Variants in PLXDC2 observed in about 807,000 individuals in gnomAD.
The protein encoded by PLXDC2 is plexin domain containing 2.
PLXDC2 carries 40 observed loss-of-function variants against 68.9 expected under a neutral mutation model. The observed-to-expected ratio is 0.58, with a 90% CI of 0.45 to 0.76. The LOEUF (loss-of-function observed/expected upper bound fraction) is 0.76. PLXDC2 is among the 30% of genes least tolerant of loss of function. The probability of loss-of-function intolerance (pLI) is 0.00; values close to 1 mark genes in which losing one functional copy is unlikely to be tolerated. For synonymous variants in PLXDC2, 243 were observed against 234.2 expected (o/e 1.04, Z -0.34); for missense variants, 644 against 661.9 (o/e 0.97, Z 0.30).
intron 13 of PLXDC2, among the ~76,000 whole-genome samples, chr10:20,252,788 G>A (rs1835695141): frequency 6.6e-6 from 1 of 152,310 alleles, no homozygotes; most frequent in Middle Eastern, 3.4e-3. Flanking sequence ...CACATTCTAA[G>A]TTAGGTGTGG....
At chr10:20,162,075 G>T (rs1322778806) in intron 6 of PLXDC2, among the ~76,000 whole-genome samples, 1 of 59,640 alleles carries the variant, frequency 1.7e-5, no homozygotes, top group Non-Finnish European at 3.5e-5. Flanking sequence ...AGAGAGAGAA[G>T]GAAGGAAGGA....
At chr10:19,968,744 C>T (rs1446580145) in intron 1 of PLXDC2, among the ~76,000 whole-genome samples, 1 of 152,094 alleles carries the variant, frequency 6.6e-6, no homozygotes, top group Non-Finnish European at 1.5e-5. Context: ...TAAATAGTAG[C>T]AGGATATAGA....
At chr10:19,874,297 T>A (rs141226978) in intron 1 of PLXDC2, among the ~76,000 whole-genome samples, 2 of 152,236 alleles carry the variant, frequency 1.3e-5, no homozygotes, top group Non-Finnish European at 2.9e-5. Context: ...TTGGAAACAA[T>A]TTCTATTAGG....
intron 1 of PLXDC2, among the ~76,000 whole-genome samples, chr10:19,980,157 T>C (rs1010992689): frequency 6.6e-6 from 1 of 152,242 alleles, no homozygotes; most frequent in Non-Finnish European, 1.5e-5. Flanking sequence ...ATGGTGTGAC[T>C]GCATTTTTTA....
At chr10:19,885,101 C>T (rs1171284467) in intron 1 of PLXDC2, among the ~76,000 whole-genome samples, 1 of 152,068 alleles carries the variant, frequency 6.6e-6, no homozygotes, top group Non-Finnish European at 1.5e-5. Context: ...CTCTGATGGC[C>T]AGTGATGATG....
chr10:20,219,768 T>C (rs767661512), intron 12 of PLXDC2, among the ~76,000 whole-genome samples: 2 of 152,148 alleles, frequency 1.3e-5, no homozygotes, highest in Non-Finnish European at 2.9e-5. Context: ...AGATTTTCAT[T>C]AGTAATTGTT....
intron 9 of PLXDC2, among the ~76,000 whole-genome samples, chr10:20,196,803 A>G (rs1212980082): frequency 6.6e-6 from 1 of 152,192 alleles, no homozygotes; most frequent in Non-Finnish European, 1.5e-5. Flanking sequence ...TCACGTTCAA[A>G]CAGTGTTAGT....
chr10:20,036,105 A>G (rs562864630), intron 2 of PLXDC2, among the ~76,000 whole-genome samples: 5 of 152,312 alleles, frequency 3.3e-5, no homozygotes, highest in East Asian at 1.9e-4. Flanking sequence ...TATAAATCCA[A>G]ACTTAATAAA....
chr10:20,205,358 T>C (rs1020558424), intron 9 of PLXDC2, among the ~76,000 whole-genome samples: 4 of 152,114 alleles, frequency 2.6e-5, no homozygotes, highest in African/African-American at 7.2e-5. Context: ...AATTTGGACA[T>C]AAAAACATTA....
At chr10:20,199,608 A>G (rs1012460887) in intron 9 of PLXDC2, among the ~76,000 whole-genome samples, 1 of 152,018 alleles carries the variant, frequency 6.6e-6, no homozygotes, top group African/African-American at 2.4e-5. Context: ...TGGAAATTAT[A>G]TAAGAAGAAT....
chr10:19,866,182 G>T (rs1334709856), intron 1 of PLXDC2, among the ~76,000 whole-genome samples: 3 of 152,096 alleles, frequency 2.0e-5, no homozygotes, highest in African/African-American at 4.8e-5. Flanking sequence ...GTAGTCTTAG[G>T]GTATTCTTTA....
chr10:20,159,635 T>C (rs774782133), intron 6 of PLXDC2, among the ~76,000 whole-genome samples: 1 of 152,206 alleles, frequency 6.6e-6, no homozygotes, highest in African/African-American at 2.4e-5. Context: ...TCTTTTGGAC[T>C]AAAATCCAGT....
chr10:20,127,481 C>G (rs1167625146), intron 4 of PLXDC2, among the ~76,000 whole-genome samples: 2 of 152,060 alleles, frequency 1.3e-5, no homozygotes, highest in Admixed American at 1.3e-4. Flanking sequence ...TATTCTCCTG[C>G]TATGTAATAT....
At chr10:19,912,461 A>G (rs529321596) in intron 1 of PLXDC2, among the ~76,000 whole-genome samples, 2 of 152,256 alleles carry the variant, frequency 1.3e-5, no homozygotes, top group East Asian at 3.9e-4. Context: ...GTTATCAAAC[A>G]TCTCTTATGT....
At chr10:19,955,546 T>C (rs117635006) in intron 1 of PLXDC2, among the ~76,000 whole-genome samples, 128 of 152,304 alleles carry the variant, frequency 8.4e-4, no homozygotes, top group Non-Finnish European at 1.6e-3. Context: ...AGTGGCTTTA[T>C]TAGCCAGAGT....
At chr10:19,941,973 A>AG (rs1428828050) in intron 1 of PLXDC2, among the ~76,000 whole-genome samples, 1 of 142,694 alleles carries the variant, frequency 7.0e-6, no homozygotes, top group Admixed American at 7.2e-5. Flanking sequence ...TGACATTTAG[A>AG]GAAAAAAAAA....
chr10:20,064,458 G>A (rs905686807), intron 3 of PLXDC2, among the ~76,000 whole-genome samples: 6 of 152,020 alleles, frequency 3.9e-5, no homozygotes, highest in Admixed American at 1.3e-4. Context: ...CTGACCTTGC[G>A]ATCCGCCTAC....
chr10:20,057,247 A>T (rs182230346), intron 3 of PLXDC2, among the ~76,000 whole-genome samples: 18 of 152,116 alleles, frequency 1.2e-4, no homozygotes, highest in African/African-American at 2.9e-4. Flanking sequence ...ATGGAATATA[A>T]TTTTTTTTAG....
In PLXDC2 at chr10:20,217,458, A is replaced by G; in HGVS notation, c.1155A>G (p.Pro385=). 1 of 1,612,830 alleles carries G rather than the reference A, an allele frequency of 6.2e-7. No homozygotes were observed. The highest frequency in any genetic ancestry group is 8.5e-7 in the Non-Finnish European group (1 of 1,179,234). The stretch of plus-strand genomic sequence containing the variant: ...AGAAGATGTGTGAGAATACAGAACC[A>G]GTGGAAACTTCTTCTCGAACCACCA... ...SKEKMCENTE[P]VETSSRTTTT... Residue 385 remains proline (P), a synonymous_variant, in exon 11 of 14, where the codon CCA becomes CCG. Coordinates refer to ENST00000377252, the MANE Select transcript of PLXDC2 (RefSeq NM_032812.9).
Sources: gnomAD v4.1 joint callset for allele counts (sites outside exome capture counted in the v4.1 genomes callset) on GRCh38, gnomAD v4.1.1 for gene constraint, MANE v1.5 for transcripts, NCBI Gene and HGNC (gene_info 2026-07-23, HGNC 2026-07-21) for gene names.